EXOC3: variants seen among roughly 807,000 people sequenced by gnomAD.
The protein encoded by EXOC3 is SEC6-like 1.
EXOC3 carries 21 observed loss-of-function variants against 73.7 expected under a neutral mutation model. That is an observed-to-expected ratio of 0.29 (90% CI 0.20 to 0.41). The LOEUF is 0.41. Among genes scored for constraint, EXOC3 ranks in the 10% least tolerant of loss-of-function variants. The pLI is 1.00. For missense variants in EXOC3, 842 were observed against 985.1 expected (o/e 0.85, Z 1.95); for synonymous variants, 410 against 389.1 (o/e 1.05, Z -0.63).
intron 5 of EXOC3, 84 bp from the exon 6 acceptor site, chr5:457,816 C>G: frequency 1.4e-6 from 2 of 1,415,992 alleles, no homozygotes; most frequent in South Asian, 2.6e-5. Flanking sequence ...GGAGCTTGTG[C>G]ATGCAACTGA....
chr5:465,487 C>G (rs1738119499), intron 11 of EXOC3, among the ~76,000 whole-genome samples: 1 of 152,262 alleles, frequency 6.6e-6, no homozygotes, highest in Admixed American at 6.5e-5. Context: ...CCGCCCACAG[C>G]TCCCTGACGG....
rs1737390378 is a variant in EXOC3 at position 443,259 on chromosome 5, CGG to C, written c.-87_-86del. The C allele has an allele frequency of 1.2e-4, 3 of 25,062 alleles. No individual in the cohort carries two copies. The highest frequency in any genetic ancestry group is 3.5e-4 in the Non-Finnish European group (3 of 8,502). The allele number at this position is 25,062 out of a possible 1,614,324, so 1.6% of individuals were successfully genotyped here. On this transcript the variant is annotated 5_prime_UTR_variant, in exon 1 of 13. Transcript: ENST00000512944. ...GCGGCGGCGGCGGCGGCGGCGGCGG[CGG>C]CGGCGGCGGCGGCGGCGTAGCCGTA...
Position 453,403 on chromosome 5 carries a change from T to A in EXOC3, c.398T>A (p.Ile133Asn). The change falls in exon 4 of 13, where the codon ATT (isoleucine) becomes AAT (asparagine). Residue 133 changes from isoleucine to asparagine, a missense_variant. By Grantham distance (149) the Ile-to-Asn change is moderately radical. Transcript: ENST00000512944. ...ATTGTGAGGGAGACCCAGGACCTAATTGAACAAGGGGCACTCCTGCAAGCC... is the reference window on the plus strand; with the variant it reads ...ATTGTGAGGGAGACCCAGGACCTAAATGAACAAGGGGCACTCCTGCAAGCC... ...PEIVRETQDL[I>N]EQGALLQAHR... 6.3e-7 allele frequency: 1 copy of A among 1,595,510 alleles called. No individual in the cohort carries two copies. Among genetic ancestry groups the A allele is most frequent in the African/African-American group, 1.3e-5 (1 of 74,584 alleles).
In EXOC3 at chr5:443,232, C is replaced by CGGG. The variant is rs999756730; in HGVS notation, c.-113_-112insGGG. 2.7e-3 allele frequency: 6 copies of CGGG among 2,210 alleles called. No homozygotes were observed. In the African/African-American group the frequency reaches 0.034, roughly 12 times the overall value. The allele number at this position is 2,210 out of a possible 1,614,324, so 0.1% of individuals were successfully genotyped here. On this transcript the variant is annotated 5_prime_UTR_variant, in exon 1 of 13. Coordinates refer to ENST00000512944, the MANE Select transcript of EXOC3 (RefSeq NM_007277.5). ...GCGAAGGCGGAGGGGGCGGCGGGGG[C>CGGG]GGCGGCGGCGGCGGCGGCGGCGGCG...
chr5:443,372 G>C (rs1737397670), intron 1 of EXOC3, 82 bp downstream of exon 1: 1 of 152,904 alleles, frequency 6.5e-6, no homozygotes, highest in African/African-American at 2.4e-5. Flanking sequence ...CCTGTCTCTG[G>C]CTTCCGCGGG....
In EXOC3 at chr5:453,526, A is replaced by C; in HGVS notation, c.521A>C (p.His174Pro). 6.2e-7 allele frequency: 1 copy of C among 1,613,988 alleles called. No individual in the cohort carries two copies. The highest frequency in any genetic ancestry group is 8.5e-7 in the Non-Finnish European group (1 of 1,179,880). Residue 174 changes from histidine to proline, a missense_variant, in exon 4 of 13, where the codon CAT becomes CCT. Physicochemically the swap from His to Pro is moderately conservative, Grantham distance 77. Transcript: ENST00000512944. ...SGNTRDMTLI[H>P]GYFGSTQGLS... ...AACACGCGTGACATGACCCTCATCCATGGCTACTTTGGCAGCACGCAGGGG... is the reference window on the plus strand; with the variant it reads ...AACACGCGTGACATGACCCTCATCCCTGGCTACTTTGGCAGCACGCAGGGG...
At chr5:460,946 G>A (rs548225944) in intron 7 of EXOC3, among the ~76,000 whole-genome samples, 1 of 152,268 alleles carries the variant, frequency 6.6e-6, no homozygotes, top group African/African-American at 2.4e-5. Context: ...AAATAGAAAC[G>A]GTATTTGTTG....
chr5:445,353 C>CTTTTTTTTTCT (rs1553991175), intron 1 of EXOC3, among the ~76,000 whole-genome samples: 3 of 139,630 alleles, frequency 2.1e-5, no homozygotes, highest in South Asian at 2.2e-4. Flanking sequence ...CTTTTTTTTT[C>CTTTTTTTTTCT]TTTTTTTTTT....
chr5:465,415 C>T lies in EXOC3; in HGVS notation c.1938+143C>T, dbSNP rs1189590794. 16 of 1,040,436 alleles carry T rather than the reference C, an allele frequency of 1.5e-5. 1 individual carries two copies. The highest frequency in any genetic ancestry group is 3.1e-4 in the Middle Eastern group (1 of 3,236). 64.5% of individuals were successfully genotyped at this position (1,040,436 alleles called of 1,614,324 possible). On this transcript the variant is annotated intron_variant, in intron 11 of 12. Transcript: ENST00000512944. ...GAGCCTGGGTCCAGGTCCTGCCTGA[C>T]CTTGTGGTTGGACACGAATGTCCAC...
In EXOC3 at chr5:465,843, C is replaced by T. The variant is rs1738131469; in HGVS notation, c.2064C>T (p.Ile688=). ...VSTLVSKYPD[I]RDDHIGALLA... ...CTCTGGTCAGCAAGTATCCAGACAT[C>T]AGGTAAGGGATGCACGTCTTAGAAT... Residue 688 remains isoleucine, a splice_region_variant and synonymous_variant, in exon 12 of 13, where the codon ATC becomes ATT. Transcript: ENST00000512944. 1 of 1,609,214 alleles carries T rather than the reference C, an allele frequency of 6.2e-7. No homozygotes were observed. Among genetic ancestry groups the T allele is most frequent in the African/African-American group, 1.3e-5 (1 of 74,878 alleles).
intron 4 of EXOC3, among the ~76,000 whole-genome samples, chr5:455,696 C>T (rs190804833): frequency 9.4e-4 from 143 of 152,264 alleles, no homozygotes; most frequent in African/African-American, 3.1e-3. Flanking sequence ...AGGTGTATCC[C>T]GGCTTCACGC....
chr5:448,633 C>G (rs1296366225), intron 3 of EXOC3, among the ~76,000 whole-genome samples: 1 of 152,208 alleles, frequency 6.6e-6, no homozygotes, highest in African/African-American at 2.4e-5. Context: ...TTCACAGTGG[C>G]TGTGCTGCAT....
At position 465,099 on chromosome 5, in the gene EXOC3, G is replaced by T. The variant is rs751359890; in HGVS notation, c.1777-12G>T. ...CCGTGGAGCCTGCCGCTGACCGCGC[G>T]TGTCTCCCCAGAGGATGACGGCCGA... On this transcript the variant is annotated splice_polypyrimidine_tract_variant and intron_variant, in intron 10 of 12. Transcript: ENST00000512944. The T allele has an allele frequency of 3.2e-6, 5 of 1,554,834 alleles. No individual in the cohort carries two copies. In the East Asian group the frequency reaches 9.5e-5, roughly 29 times the overall value.
At chr5:465,966 G>C in intron 12 of EXOC3, 121 bp downstream of exon 12, 2 of 1,122,890 alleles carry the variant, frequency 1.8e-6, no homozygotes, top group Non-Finnish European at 2.5e-6. Context: ...GCACGGCAAG[G>C]GTTCAGGTGC....
chr5:458,824 G>T (rs1560938921), intron 6 of EXOC3, among the ~76,000 whole-genome samples: 1 of 152,226 alleles, frequency 6.6e-6, no homozygotes, highest in Non-Finnish European at 1.5e-5. Flanking sequence ...ATTTCTCTCT[G>T]AATGATACCG....
At position 453,716 on chromosome 5, in the gene EXOC3, T is replaced by G. The variant is rs1560936898; in HGVS notation, c.711T>G (p.Pro237=). Residue 237 remains proline, a synonymous_variant, in exon 4 of 13, where the codon CCT becomes CCG. Transcript: ENST00000512944. The part of the protein sequence containing the change: ...LDRKKQTGFV[P]PGRPKNWKEK... The stretch of plus-strand genomic sequence containing the variant: ...GGAAAAAGCAAACTGGCTTTGTTCC[T>G]CCTGGGAGGCCCAAGAATTGGAAGG... The G allele has an allele frequency of 6.2e-7, 1 of 1,613,908 alleles. No homozygotes were observed. The highest frequency in any genetic ancestry group is 1.6e-4 in the Middle Eastern group (1 of 6,062).
rs375304143 is a variant in EXOC3 at position 452,304 on chromosome 5, G to A, written c.365-1066G>A. The stretch of plus-strand genomic sequence containing the variant: ...ACTGATTCTTTCTTGCGCCTGTGCA[G>A]ATCTGCCTTTGAATCCCTTTAGTGA... On this transcript the variant is annotated intron_variant, in intron 3 of 12. Transcript: ENST00000512944. Among the ~76,000 whole-genome samples, 9 of 152,160 alleles carry A rather than the reference G, an allele frequency of 5.9e-5. No individual in the cohort carries two copies. The East Asian group carries it at 1.7e-3, about 29-fold the overall frequency.
intron 9 of EXOC3, among the ~76,000 whole-genome samples, chr5:463,705 G>A (rs1027226880): frequency 3.3e-5 from 5 of 152,054 alleles, no homozygotes; most frequent in Admixed American, 3.3e-4. Context: ...TACTTTTATT[G>A]GTTTTAATGT....
Position 466,807 on chromosome 5 carries a change from A to G in EXOC3, c.2147A>G (p.Glu716Gly). ...DMKQTIMETL[E>G]QGPAQASPSY... is the part of the protein sequence containing the mutation. ...AAGCAGACCATCATGGAGACCCTGG[A>G]GCAGGGCCCAGCACAGGCCAGCCCC... is the stretch of plus-strand genomic sequence containing the variant. The change falls in exon 13 of 13, where the codon GAG (glutamate) becomes GGG (glycine). Residue 716 changes from glutamate to glycine, a missense_variant. Physicochemically the swap from Glu to Gly is moderately conservative, Grantham distance 98. Coordinates refer to ENST00000512944, the MANE Select transcript of EXOC3 (RefSeq NM_007277.5). 6.2e-7 allele frequency: 1 copy of G among 1,613,480 alleles called. No homozygotes were observed. The highest frequency in any genetic ancestry group is 8.5e-7 in the Non-Finnish European group (1 of 1,179,830).
Sources: gnomAD v4.1 joint callset for allele counts (sites outside exome capture counted in the v4.1 genomes callset) on GRCh38, gnomAD v4.1.1 for gene constraint, MANE v1.5 for transcripts, NCBI Gene and HGNC (gene_info 2026-07-23, HGNC 2026-07-21) for gene names.